TOX2: variants seen among roughly 807,000 people sequenced by gnomAD.
TOX2 encodes the protein granulosa cell HMG box 1.
TOX2 carries 15 observed loss-of-function variants against 47.4 expected under a neutral mutation model. The observed-to-expected ratio is 0.32, with a 90% CI of 0.21 to 0.49. The LOEUF (loss-of-function observed/expected upper bound fraction) is 0.49, where lower values mean the gene tolerates loss of function less well. TOX2 is among the 20% of genes least tolerant of loss of function. TOX2 has a pLI of 0.99. For missense variants in TOX2, 622 were observed against 673.1 expected (o/e 0.92, Z 0.84); for synonymous variants, 290 against 296.6 (o/e 0.98, Z 0.23).
chr20:44,009,688 G>A (rs531763053), intron 3 of TOX2, among the ~76,000 whole-genome samples: 64 of 152,284 alleles, frequency 4.2e-4, no homozygotes, highest in African/African-American at 1.5e-3. Context: ...TTTCCAGTTC[G>A]TTAGAATGCT....
intron 5 of TOX2, among the ~76,000 whole-genome samples, chr20:44,056,597 C>A (rs2071622808): frequency 6.6e-6 from 1 of 152,152 alleles, no homozygotes; most frequent in Admixed American, 6.5e-5. Context: ...TTTCTGCTTA[C>A]CTGTCTGACG....
chr20:43,926,823 G>T (rs1221661934), intron 1 of TOX2, among the ~76,000 whole-genome samples: 1 of 152,232 alleles, frequency 6.6e-6, no homozygotes, highest in Non-Finnish European at 1.5e-5. Context: ...GACACAGCCT[G>T]ACACAGCCTG....
intron 1 of TOX2, among the ~76,000 whole-genome samples, chr20:43,922,341 C>G (rs1350520509): frequency 6.6e-6 from 1 of 152,144 alleles, no homozygotes; most frequent in Non-Finnish European, 1.5e-5. Flanking sequence ...TGCCCCCAGT[C>G]GTGACAACAA....
intron 5 of TOX2, among the ~76,000 whole-genome samples, chr20:44,058,092 T>C (rs1383396073): frequency 6.6e-6 from 1 of 150,652 alleles, no homozygotes; most frequent in Non-Finnish European, 1.5e-5. Flanking sequence ...CACAGGAACA[T>C]ACTAGGAAAG....
chr20:43,927,709 T>C (rs2069195012), intron 1 of TOX2, among the ~76,000 whole-genome samples: 1 of 136,580 alleles, frequency 7.3e-6, no homozygotes, highest in South Asian at 2.5e-4. Flanking sequence ...CCTTCCTTTC[T>C]TCCTTCCTTC....
intron 3 of TOX2, among the ~76,000 whole-genome samples, chr20:44,038,490 C>T (rs537976426): frequency 1.6e-4 from 25 of 152,214 alleles, no homozygotes; most frequent in Non-Finnish European, 3.2e-4. Flanking sequence ...GATTCTACAT[C>T]GTATACATCT....
chr20:44,009,930 A>C (rs993453713), intron 3 of TOX2, among the ~76,000 whole-genome samples: 1 of 152,140 alleles, frequency 6.6e-6, no homozygotes, highest in Non-Finnish European at 1.5e-5. Flanking sequence ...TTGGTCCCAG[A>C]CACCAGAATT....
At chr20:43,923,781 G>A (rs1033385824) in intron 1 of TOX2, among the ~76,000 whole-genome samples, 2 of 152,202 alleles carry the variant, frequency 1.3e-5, no homozygotes, top group Non-Finnish European at 2.9e-5. Flanking sequence ...GAAGGTTTAT[G>A]TGGGGAAGTT....
At chr20:43,932,783 C>CCTG (rs11283632) in intron 1 of TOX2, among the ~76,000 whole-genome samples, 1 of 148,974 alleles carries the variant, frequency 6.7e-6, no homozygotes, top group African/African-American at 2.5e-5. Flanking sequence ...TGCCCCCCCC[C>CCTG]GCCATTTCTG....
intron 1 of TOX2, among the ~76,000 whole-genome samples, chr20:43,937,041 G>T (rs975185435): frequency 6.6e-6 from 1 of 152,194 alleles, no homozygotes; most frequent in African/African-American, 2.4e-5. Flanking sequence ...ATAATCACAT[G>T]ATGAAACATA....
intron 1 of TOX2, among the ~76,000 whole-genome samples, chr20:43,969,798 G>A (rs2069930933): frequency 6.6e-6 from 1 of 152,234 alleles, no homozygotes. Flanking sequence ...AGCTTCTCAA[G>A]TGCCCCTTGA....
chr20:44,013,540 T>G (rs1406308175), intron 3 of TOX2, among the ~76,000 whole-genome samples: 1 of 152,234 alleles, frequency 6.6e-6, no homozygotes, highest in East Asian at 1.9e-4. Flanking sequence ...TCTTAATGCA[T>G]AACATTTTTG....
chr20:43,945,885 G>T, intron 1 of TOX2: 1 of 1,608,766 alleles, frequency 6.2e-7, no homozygotes, highest in South Asian at 1.1e-5. Flanking sequence ...TGCTATTTCT[G>T]GCATTTTTTC....
intron 1 of TOX2, among the ~76,000 whole-genome samples, chr20:43,933,672 G>A (rs1395875526): frequency 1.3e-5 from 2 of 152,164 alleles, no homozygotes; most frequent in Non-Finnish European, 2.9e-5. Context: ...TGGAGGCTGG[G>A]GTGTTGCCTC....
At chr20:44,010,969 C>T (rs2070768915) in intron 3 of TOX2, among the ~76,000 whole-genome samples, 1 of 152,058 alleles carries the variant, frequency 6.6e-6, no homozygotes, top group Non-Finnish European at 1.5e-5. Context: ...GAGAATCCAG[C>T]CTCGCTTCTC....
chr20:43,990,801 G>A (rs1393871823), intron 2 of TOX2, among the ~76,000 whole-genome samples: 2 of 152,146 alleles, frequency 1.3e-5, no homozygotes, highest in Non-Finnish European at 2.9e-5. Flanking sequence ...CACTCATGAG[G>A]ACCATTCTCA....
At chr20:43,919,155 G>A (rs754433686) in intron 1 of TOX2, among the ~76,000 whole-genome samples, 5 of 152,094 alleles carry the variant, frequency 3.3e-5, no homozygotes, top group Non-Finnish European at 7.4e-5. Context: ...TACTGCATAG[G>A]ATGTGGCATG....
chr20:44,067,855 G>A (rs897446663), intron 8 of TOX2, among the ~76,000 whole-genome samples: 3 of 152,178 alleles, frequency 2.0e-5, no homozygotes, highest in South Asian at 2.1e-4. Context: ...CCTGGGGGAC[G>A]TAGTGCCAAG....
intron 2 of TOX2, among the ~76,000 whole-genome samples, chr20:43,981,852 A>T (rs185788237): frequency 2.7e-4 from 41 of 152,088 alleles, no homozygotes; most frequent in Non-Finnish European, 4.6e-4. Context: ...GTAAATATAG[A>T]CAACTTGTGT....
Sources: allele counts gnomAD v4.1 joint callset (sites outside exome capture counted in the v4.1 genomes callset), GRCh38; gene constraint gnomAD v4.1.1; transcripts MANE v1.5; gene names NCBI Gene and HGNC (gene_info 2026-07-23, HGNC 2026-07-21).